MMEL1: variants seen among roughly 807,000 people sequenced by gnomAD.
The protein encoded by MMEL1 is membrane metalloendopeptidase like 1, also known as membrane metallo-endopeptidase-like 1.
Under a neutral mutation model 117.1 loss-of-function variants are expected in MMEL1, and 98 were observed. That is an observed-to-expected ratio of 0.84 (90% CI 0.71 to 0.99). The LOEUF (loss-of-function observed/expected upper bound fraction) is 0.99. Among genes scored for constraint, MMEL1 ranks in the 50% least tolerant of loss-of-function variants. MMEL1 has a pLI of 0.00. For missense variants in MMEL1, 1,014 were observed against 1,049.1 expected (o/e 0.97, Z 0.46); for synonymous variants, 390 against 415.1 (o/e 0.94, Z 0.74).
intron 2 of MMEL1, among the ~76,000 whole-genome samples, chr1:2,625,241 C>T (rs1252866209): frequency 2.0e-5 from 3 of 152,166 alleles, no homozygotes; most frequent in South Asian, 2.1e-4. Context: ...CTCAAAATTC[C>T]GAGTCCAAAG....
chr1:2,630,617 C>G (rs1475232421), intron 1 of MMEL1, among the ~76,000 whole-genome samples: 1 of 140,316 alleles, frequency 7.1e-6, no homozygotes, highest in African/African-American at 2.7e-5. Flanking sequence ...ATGTGTGTGA[C>G]TGCACGTGTG....
chr1:2,598,444 A>C, intron 12 of MMEL1, 144 bp from the exon 13 acceptor site: 1 of 1,168,164 alleles, frequency 8.6e-7, no homozygotes, highest in Non-Finnish European at 1.2e-6. Context: ...ACCACCTCCA[A>C]GATCCAGCCC....
In MMEL1 at chr1:2,595,735, G is replaced by A. The variant is rs1464200211; in HGVS notation, c.1500+274C>T. On this transcript the variant is annotated intron_variant, in intron 15 of 23. Coordinates refer to ENST00000378412, the MANE Select transcript of MMEL1 (RefSeq NM_033467.4). The surrounding 1 kb of genome is among the most constrained non-coding windows in gnomAD (Gnocchi z 4.8). ...CACCGCTACCCCCGCTGGCTCATGG[G>A]GGGTGCTGGGGATGTCCCAGGCCTG... Among the ~76,000 whole-genome samples, 1 of 152,124 alleles carries A rather than the reference G, an allele frequency of 6.6e-6. No homozygotes were observed. Among genetic ancestry groups the A allele is most frequent in the Non-Finnish European group, 1.5e-5 (1 of 68,010 alleles).
rs371545720 is a variant in MMEL1 at position 2,609,837 on chromosome 1, C to A, written c.293-6G>T. ...GTTCTGGAGGATCCTGGCAGCTGCT[C>A]GTCCCCATGGCGTGGAGCAGGGAGA... On this transcript the variant is annotated splice_region_variant and splice_polypyrimidine_tract_variant and intron_variant, in intron 4 of 23. Coordinates refer to ENST00000378412, the MANE Select transcript of MMEL1 (RefSeq NM_033467.4). The A allele has an allele frequency of 6.2e-7, 1 of 1,600,310 alleles. No homozygotes were observed.
In MMEL1 at chr1:2,594,870, G is replaced by A. The variant is rs1282745285; in HGVS notation, c.1608C>T (p.Tyr536=). Reference sequence around the variant, plus strand: ...TGAGGTTCTGCAGACTGTTCTCAAAGTACAGGTCCTCTGAGAAGTTCAGCT... The same window carrying A: ...TGAGGTTCTGCAGACTGTTCTCAAAATACAGGTCCTCTGAGAAGTTCAGCT... ...YSNLNFSEDL[Y]FENSLQNLKV... is the part of the protein sequence containing the mutation. The change falls in exon 17 of 24, where the codon TAC becomes TAT. Residue 536 remains tyrosine (Y), a synonymous_variant. Transcript: ENST00000378412. 1.4e-5 allele frequency: 22 copies of A among 1,613,878 alleles called. No individual in the cohort carries two copies. Among genetic ancestry groups the A allele is most frequent in the Non-Finnish European group, 1.8e-5 (21 of 1,179,986 alleles).
intron 2 of MMEL1, among the ~76,000 whole-genome samples, chr1:2,614,347 G>A (rs765196387): frequency 3.9e-5 from 6 of 152,188 alleles, no homozygotes; most frequent in African/African-American, 9.6e-5. Context: ...GTACATAAGC[G>A]CTGTACTCTA....
chr1:2,603,623 G>C (rs1029242228), intron 11 of MMEL1, among the ~76,000 whole-genome samples: 1 of 148,754 alleles, frequency 6.7e-6, no homozygotes, highest in Non-Finnish European at 1.5e-5. Flanking sequence ...TCAGAAGACC[G>C]GGGCCATCAC....
Position 2,604,532 on chromosome 1 carries a change from A to AT in MMEL1, c.817-252dup, listed in dbSNP as rs575127497. On this transcript the variant is annotated intron_variant, in intron 9 of 23. Transcript: ENST00000378412. ...CAGGGCTTAAACTGTGTGGCTGCCT[A>AT]TAAGGGTTTGCACAGGTGGGTGCTG... Among the ~76,000 whole-genome samples the AT allele has an allele frequency of 2.3e-3, 349 of 152,168 alleles. 10 individuals are homozygous for AT. The highest frequency in any genetic ancestry group is 9.0e-4 in the Non-Finnish European group (61 of 67,996).
chr1:2,594,981 C>G, intron 16 of MMEL1, 88 bp from the exon 17 acceptor site: 1 of 1,171,284 alleles, frequency 8.5e-7, no homozygotes, highest in Non-Finnish European at 1.2e-6. Flanking sequence ...GGGGAAGGAC[C>G]TCAAGCCTTG....
intron 19 of MMEL1, 131 bp downstream of exon 19, chr1:2,593,683 T>C (rs1644781193): frequency 1.5e-6 from 2 of 1,299,334 alleles, no homozygotes; most frequent in Admixed American, 3.0e-5. Context: ...CCCCCACAGC[T>C]CCCTGAGGAC....
intron 19 of MMEL1, among the ~76,000 whole-genome samples, chr1:2,593,376 G>T (rs1397356139): frequency 6.6e-6 from 1 of 152,210 alleles, no homozygotes; most frequent in Admixed American, 6.5e-5. Context: ...ACCAGCTGGG[G>T]CCCCTGTCCC....
rs182979202 is a variant in MMEL1 at position 2,616,849 on chromosome 1, C to T, written c.155-4645G>A. ...CTGCATCCTGCCTCTACAGCTCCCA[C>T]GGCATTCCCAACATAGGATTTCCCG... On this transcript the variant is annotated intron_variant, in intron 2 of 23. Coordinates refer to ENST00000378412, the MANE Select transcript of MMEL1 (RefSeq NM_033467.4). Among the ~76,000 whole-genome samples the T allele has an allele frequency of 7.2e-5, 11 of 152,356 alleles. No individual in the cohort carries two copies. The East Asian group carries it at 1.2e-3, about 16-fold the overall frequency.
intron 2 of MMEL1, among the ~76,000 whole-genome samples, chr1:2,621,159 C>A (rs140971170): frequency 2.6e-4 from 39 of 152,232 alleles, no homozygotes; most frequent in Admixed American, 9.8e-4. Context: ...GTGGCATGTG[C>A]CTGAGGTCCC....
intron 2 of MMEL1, among the ~76,000 whole-genome samples, chr1:2,616,759 T>C (rs1267461830): frequency 6.6e-6 from 1 of 152,184 alleles, no homozygotes; most frequent in African/African-American, 2.4e-5. Context: ...TTGTTTCCCA[T>C]CTAGTCAGAT....
chr1:2,598,061 C>G (rs561226426), intron 13 of MMEL1, 146 bp downstream of exon 13: 1 of 703,366 alleles, frequency 1.4e-6, no homozygotes, highest in South Asian at 1.7e-5. Flanking sequence ...TCATGGTCCA[C>G]TCCCCACTGG....
At chr1:2,627,407 A>C (rs943057321) in intron 2 of MMEL1, among the ~76,000 whole-genome samples, 2 of 152,232 alleles carry the variant, frequency 1.3e-5, no homozygotes, top group Non-Finnish European at 2.9e-5. Flanking sequence ...AGATCAAGAG[A>C]ATGGAAAAAG....
chr1:2,595,976 T>G lies in MMEL1; in HGVS notation c.1500+33A>C. ...CGGTGCTGCCCGTGCCCAGATCCAGTCGGGGCTGCCCTGACCTCTGCGAGC... is the reference window on the plus strand; with the variant it reads ...CGGTGCTGCCCGTGCCCAGATCCAGGCGGGGCTGCCCTGACCTCTGCGAGC... On this transcript the variant is annotated intron_variant, in intron 15 of 23. Transcript: ENST00000378412. This position sits in a 1 kb window ranked among gnomAD's most constrained non-coding sequence, Gnocchi z 4.8. 6.3e-7 allele frequency: 1 copy of G among 1,586,560 alleles called. No individual in the cohort carries two copies. The highest frequency in any genetic ancestry group is 8.7e-7 in the Non-Finnish European group (1 of 1,155,986).
Position 2,605,598 on chromosome 1 carries a change from G to A in MMEL1, c.776C>T (p.Pro259Leu). 6.2e-7 allele frequency: 1 copy of A among 1,612,990 alleles called. No homozygotes were observed. The highest frequency in any genetic ancestry group is 8.5e-7 in the Non-Finnish European group (1 of 1,179,396). ...GCCGTTGAAGTAGTACTCTCGGGAGGGCATGCCCAAGGTGGGCTGGTCTAT... is the reference window on the plus strand; with the variant it reads ...GCCGTTGAAGTAGTACTCTCGGGAGAGCATGCCCAAGGTGGGCTGGTCTAT... Reference protein sequence around the residue: ...IYIDQPTLGMPSREYYFNGGS... With the variant: ...IYIDQPTLGMLSREYYFNGGS... The change falls in exon 9 of 24, where the codon CCC becomes CTC. Residue 259 changes from proline (P) to leucine (L), a missense_variant. Pro to Leu is a moderately conservative substitution (Grantham distance 98). Coordinates refer to ENST00000378412, the MANE Select transcript of MMEL1 (RefSeq NM_033467.4).
At chr1:2,615,467 A>C (rs1645187263) in intron 2 of MMEL1, among the ~76,000 whole-genome samples, 1 of 152,208 alleles carries the variant, frequency 6.6e-6, no homozygotes, top group South Asian at 2.1e-4. Context: ...ACAAAAACAC[A>C]AACAAGAAAA....
Sources: gnomAD v4.1 joint callset for allele counts (sites outside exome capture counted in the v4.1 genomes callset) on GRCh38, gnomAD v4.1.1 for gene constraint, Gnocchi (gnomAD v3.1) non-coding constraint, MANE v1.5 for transcripts, NCBI Gene and HGNC (gene_info 2026-07-23, HGNC 2026-07-21) for gene names.